SYT2: variants seen among roughly 807,000 people sequenced by gnomAD.
The protein encoded by SYT2 is synaptotagmin-2.
SYT2 carries 15 observed loss-of-function variants against 39.9 expected under a neutral mutation model. The ratio of observed to expected loss-of-function variants is 0.38; its 90% CI spans 0.25 to 0.58. The LOEUF (loss-of-function observed/expected upper bound fraction) is 0.58. Ranked by LOEUF, SYT2 falls within the 20% of genes least tolerant of loss-of-function variation. SYT2 has a pLI of 0.70. For synonymous variants in SYT2, 181 were observed against 204.5 expected, an observed-to-expected ratio of 0.89 and a Z score of 0.98; for missense variants, 389 against 530.3, an observed-to-expected ratio of 0.73 and a Z score of 2.62.
chr1:202,660,776 T>A (rs1692361174), intron 1 of SYT2, among the ~76,000 whole-genome samples: 1 of 152,238 alleles, frequency 6.6e-6, no homozygotes, highest in East Asian at 1.9e-4. Context: ...AGCCACCGCG[T>A]CATGCCGGTG....
At chr1:202,686,052 T>A (rs1290874374) in intron 1 of SYT2, among the ~76,000 whole-genome samples, 1 of 152,100 alleles carries the variant, frequency 6.6e-6, no homozygotes. Flanking sequence ...GGGCCCCTAA[T>A]ATGGTTTGGA....
At chr1:202,648,930 G>A (rs992380165) in intron 1 of SYT2, among the ~76,000 whole-genome samples, 1 of 152,240 alleles carries the variant, frequency 6.6e-6, no homozygotes, top group South Asian at 2.1e-4. Flanking sequence ...AGGAGTGGCT[G>A]TGTGTAGAAT....
At position 202,600,350 on chromosome 1, in the gene SYT2, C is replaced by A; in HGVS notation, c.919+7G>T. On this transcript the variant is annotated splice_region_variant and intron_variant, in intron 7 of 8. Transcript: ENST00000367268. ...CACCCAATGGCAGCCAGAAGCTCTC[C>A]ACGTACCTGAAAGGCCGCCCACGTC... is the stretch of plus-strand genomic sequence containing the variant. The A allele has an allele frequency of 6.2e-7, 1 of 1,613,286 alleles. No homozygotes were observed. The highest frequency in any genetic ancestry group is 8.5e-7 in the Non-Finnish European group (1 of 1,179,326).
At chr1:202,618,400 A>AGTGTGTGTGTGTGTGTGT (rs57621822) in intron 1 of SYT2, among the ~76,000 whole-genome samples, 33 of 148,872 alleles carry the variant, frequency 2.2e-4, no homozygotes, top group South Asian at 4.3e-4. Flanking sequence ...GTCTGGTGTG[A>AGTGTGTGTGTGTGTGTGT]GTGTGTGTGT....
chr1:202,602,259 G>T, intron 5 of SYT2, 119 bp downstream of exon 5: 1 of 1,299,958 alleles, frequency 7.7e-7, no homozygotes, highest in Non-Finnish European at 1.1e-6. Flanking sequence ...TAGCCCTGCA[G>T]TCAAGGCTGC....
At chr1:202,597,054 T>C in intron 8 of SYT2, 91 bp from the exon 9 acceptor site, 7 of 1,212,346 alleles carry the variant, frequency 5.8e-6, no homozygotes, top group Non-Finnish European at 8.3e-6. Context: ...TCCCAATGAT[T>C]GGGAAGGTAA....
intron 1 of SYT2, among the ~76,000 whole-genome samples, chr1:202,620,664 C>T (rs1691180239): frequency 6.6e-6 from 1 of 151,906 alleles, no homozygotes; most frequent in Admixed American, 6.6e-5. Context: ...CTCTCTCTTT[C>T]CTTAACTCCA....
chr1:202,682,895 C>A (rs1056626385), intron 1 of SYT2, among the ~76,000 whole-genome samples: 16 of 151,984 alleles, frequency 1.1e-4, no homozygotes, highest in African/African-American at 3.6e-4. Flanking sequence ...ATCATGCCCA[C>A]AAATCAATAA....
chr1:202,703,098 G>T (rs1654160262), intron 1 of SYT2, among the ~76,000 whole-genome samples: 1 of 152,224 alleles, frequency 6.6e-6, no homozygotes, highest in South Asian at 2.1e-4. Flanking sequence ...TGGAATCAAT[G>T]GTGAGGAAAA....
In SYT2 at chr1:202,697,002, C is replaced by A. The variant is rs560562446; in HGVS notation, c.-18+13256G>T. 2.2e-4 allele frequency among the ~76,000 whole-genome samples: 33 copies of A among 152,344 alleles called. 1 individual carries two copies. In the Middle Eastern group the frequency reaches 0.02, roughly 94 times the overall value. On this transcript the variant is annotated intron_variant, in intron 1 of 8. Transcript: ENST00000367268. ...AGCTTTGGTCCCAGACACATGGTCT[C>A]ATTCACCTTCCTACCAAGCCCCCAT...
At position 202,657,829 on chromosome 1, in the gene SYT2, TGCGGAGA is replaced by T. The variant is rs555106870; in HGVS notation, c.-17-52047_-17-52041del. On this transcript the variant is annotated intron_variant, in intron 1 of 8. Transcript: ENST00000367268. The stretch of plus-strand genomic sequence containing the variant: ...GAGGGCTACAGCGGGGTCAGGGCCC[TGCGGAGA>T]GCTCAGGGTATGTTTGGTGGGGACG... Among the ~76,000 whole-genome samples the T allele has an allele frequency of 7.0e-3, 1,061 of 152,270 alleles. 14 individuals carry two copies. Among genetic ancestry groups the T allele is most frequent in the African/African-American group, 0.025 (1,031 of 41,534 alleles).
chr1:202,600,616 G>A (rs988171465), intron 6 of SYT2, 142 bp from the exon 7 acceptor site: 7 of 695,558 alleles, frequency 1.0e-5, no homozygotes, highest in African/African-American at 5.3e-5. Context: ...TGTGATGGCC[G>A]AGAAGGTCTT....
chr1:202,640,494 G>A (rs1691873485), intron 1 of SYT2, among the ~76,000 whole-genome samples: 1 of 151,972 alleles, frequency 6.6e-6, no homozygotes, highest in Non-Finnish European at 1.5e-5. Flanking sequence ...CCACCTGGGT[G>A]TAGACATGCC....
intron 1 of SYT2, among the ~76,000 whole-genome samples, chr1:202,609,008 C>T (rs1204282005): frequency 6.7e-6 from 1 of 148,354 alleles, no homozygotes; most frequent in Admixed American, 6.7e-5. Context: ...GGTATATCTC[C>T]TAATGCTAAC....
At chr1:202,686,842 C>T (rs1040566477) in intron 1 of SYT2, among the ~76,000 whole-genome samples, 9 of 152,128 alleles carry the variant, frequency 5.9e-5, no homozygotes, top group African/African-American at 2.2e-4. Context: ...CTTCTGAGTC[C>T]TCATTCTTGT....
At chr1:202,661,176 T>G (rs747703730) in intron 1 of SYT2, among the ~76,000 whole-genome samples, 4 of 151,988 alleles carry the variant, frequency 2.6e-5, no homozygotes, top group Non-Finnish European at 5.9e-5. Context: ...TGCTGGATGC[T>G]AAGGTTAAGT....
intron 1 of SYT2, among the ~76,000 whole-genome samples, chr1:202,683,875 A>G (rs909905855): frequency 1.3e-5 from 2 of 152,138 alleles, no homozygotes; most frequent in African/African-American, 2.4e-5. Context: ...TCCAACCTCT[A>G]GAGTGCTGGT....
In SYT2 at chr1:202,596,494, G is replaced by C. The variant is rs572825915; in HGVS notation, c.*263C>G. 3 of 376,668 alleles carry C rather than the reference G, an allele frequency of 8.0e-6. No homozygotes were observed. In the South Asian group the frequency reaches 1.3e-4, roughly 16 times the overall value. 23.3% of individuals were successfully genotyped at this position (376,668 alleles called of 1,614,324 possible). On this transcript the variant is annotated 3_prime_UTR_variant, in exon 9 of 9. Coordinates refer to ENST00000367268, the MANE Select transcript of SYT2 (RefSeq NM_177402.5). ...ATGTGAAGCTTTGAAAGAGTCGAGG[G>C]AACTGTGACAGGGCATGCAGCAAGG...
chr1:202,668,815 A>C (rs1558455484), intron 1 of SYT2, among the ~76,000 whole-genome samples: 3 of 152,158 alleles, frequency 2.0e-5, no homozygotes, highest in Non-Finnish European at 4.4e-5. Flanking sequence ...CATCTCCTCA[A>C]AGACAGGGTG....
Sources: gnomAD v4.1 joint callset for allele counts (sites outside exome capture counted in the v4.1 genomes callset) on GRCh38, gnomAD v4.1.1 for gene constraint, MANE v1.5 for transcripts, NCBI Gene and HGNC (gene_info 2026-07-23, HGNC 2026-07-21) for gene names.